The following WDFY4 variants were observed in gnomAD, a reference collection of about 807,000 sequenced individuals.
The protein encoded by WDFY4 is WDFY family member 4, also known as WD repeat- and FYVE domain-containing protein 4.
A neutral mutation model predicts 351.9 loss-of-function variants in WDFY4; 169 were observed. That is an observed-to-expected ratio of 0.48 (90% CI 0.42 to 0.55). The LOEUF (loss-of-function observed/expected upper bound fraction) is 0.55, where lower values mean the gene tolerates loss of function less well. WDFY4 is among the 20% of genes least tolerant of loss of function. WDFY4 has a pLI of 0.00. For missense variants in WDFY4, 3,803 were observed against 3,935.6 expected (o/e 0.97, Z 0.90); for synonymous variants, 1,622 against 1,574.6 (o/e 1.03, Z -0.71).
chr10:48,695,543 A>G (rs1256520892), intron 1 of WDFY4, among the ~76,000 whole-genome samples: 2 of 152,266 alleles, frequency 1.3e-5, no homozygotes, highest in African/African-American at 4.8e-5. Flanking sequence ...TACAGTGGGA[A>G]TAGTAATGCC....
At chr10:48,753,299 TTC>T (rs1403649203) in intron 12 of WDFY4, among the ~76,000 whole-genome samples, 1 of 152,230 alleles carries the variant, frequency 6.6e-6, no homozygotes, top group Non-Finnish European at 1.5e-5. Context: ...TGCAAATATT[TTC>T]TCTCATTCTG....
intron 43 of WDFY4, among the ~76,000 whole-genome samples, chr10:48,882,583 C>T (rs186162790): frequency 3.3e-5 from 5 of 152,152 alleles, no homozygotes; most frequent in East Asian, 3.9e-4. Flanking sequence ...GTACACAAAA[C>T]GTGGTGCTGA....
rs954569410 is a variant in WDFY4, at chr10:48,807,938, C to A, written c.4818C>A (p.Pro1606=). The A allele has an allele frequency of 2.6e-6, 4 of 1,547,198 alleles. No individual in the cohort carries two copies. The highest frequency in any genetic ancestry group is 2.6e-6 in the Non-Finnish European group (3 of 1,145,362). ...TGCTGCTCAGTGTAATATCTTCCCC[C>A]CAGCTTCATCTGTCCTCTGAGTAAG... ...LEMLLSVISS[P]QLHLSSESKE... Residue 1606 remains proline, a synonymous_variant, in exon 28 of 62, where the codon CCC becomes CCA. Transcript: ENST00000325239.
At chr10:48,851,740 T>C (rs1009890495) in intron 39 of WDFY4, among the ~76,000 whole-genome samples, 2 of 152,266 alleles carry the variant, frequency 1.3e-5, no homozygotes, top group Non-Finnish European at 2.9e-5. Flanking sequence ...GCTTGGTCAG[T>C]AGTGTCACCA....
intron 49 of WDFY4, among the ~76,000 whole-genome samples, chr10:48,943,949 C>T (rs1840915492): frequency 6.6e-6 from 1 of 152,146 alleles, no homozygotes; most frequent in South Asian, 2.1e-4. Flanking sequence ...GGGTTCCTGT[C>T]CTGGATCCCC....
At chr10:48,896,583 T>C (rs1194121926) in intron 44 of WDFY4, among the ~76,000 whole-genome samples, 3 of 151,660 alleles carry the variant, frequency 2.0e-5, no homozygotes, top group African/African-American at 7.3e-5. Context: ...CCTCTCAGGA[T>C]GCAGGCGCTG....
chr10:48,733,495 C>T (rs906487305), intron 9 of WDFY4, among the ~76,000 whole-genome samples: 11 of 152,178 alleles, frequency 7.2e-5, no homozygotes, highest in African/African-American at 2.7e-4. Context: ...GTCATCCCTC[C>T]CAAGGATGCA....
chr10:48,871,325 A>G (rs924269350), intron 40 of WDFY4, among the ~76,000 whole-genome samples: 1 of 152,234 alleles, frequency 6.6e-6, no homozygotes, highest in African/African-American at 2.4e-5. Context: ...TCCGTATGTT[A>G]CTACAAATGC....
chr10:48,769,163 G>T (rs1409670890), intron 13 of WDFY4, among the ~76,000 whole-genome samples: 2 of 152,200 alleles, frequency 1.3e-5, no homozygotes, highest in South Asian at 2.1e-4. Context: ...GCCTAGTTAC[G>T]TTGAGGAAGC....
At chr10:48,837,464 G>T (rs1400270622) in intron 39 of WDFY4, among the ~76,000 whole-genome samples, 1 of 152,192 alleles carries the variant, frequency 6.6e-6, no homozygotes, top group Admixed American at 6.5e-5. Flanking sequence ...CTGGTGGGGA[G>T]CCAAACTGTG....
chr10:48,913,919 G>T (rs60751127), intron 47 of WDFY4: 2 of 1,614,068 alleles, frequency 1.2e-6, no homozygotes. Flanking sequence ...TGCTGTGCAG[G>T]TCCAGCCACC....
chr10:48,736,771 G>T (rs763015098), intron 11 of WDFY4, among the ~76,000 whole-genome samples: 4 of 152,202 alleles, frequency 2.6e-5, no homozygotes, highest in Non-Finnish European at 5.9e-5. Context: ...GAACACAGAA[G>T]TAGGAGAGAC....
intron 50 of WDFY4, 115 bp downstream of exon 50, chr10:48,946,272 AG>A: frequency 3.6e-6 from 3 of 828,106 alleles, no homozygotes; most frequent in Non-Finnish European, 5.7e-6. Flanking sequence ...ATTTGAATAG[AG>A]GACTCTAACC....
chr10:48,901,669 G>A (rs552915036), intron 46 of WDFY4, 132 bp from the exon 47 acceptor site: 102 of 955,728 alleles, frequency 1.1e-4, no homozygotes, highest in East Asian at 5.3e-4. Context: ...TGGTGTTCAC[G>A]ACCTGGGGGC....
chr10:48,710,660 C>A (rs182171404), intron 2 of WDFY4, among the ~76,000 whole-genome samples: 1 of 152,192 alleles, frequency 6.6e-6, no homozygotes, highest in African/African-American at 2.4e-5. Flanking sequence ...AACCTCACAC[C>A]CCAGGGATGC....
intron 1 of WDFY4, among the ~76,000 whole-genome samples, chr10:48,696,523 C>T (rs192943976): frequency 9.8e-5 from 15 of 152,380 alleles, no homozygotes; most frequent in Admixed American, 2.6e-4. Context: ...CACATCTCTA[C>T]GGCCCTGTCC....
intron 31 of WDFY4, among the ~76,000 whole-genome samples, chr10:48,814,321 A>G (rs1453927343): frequency 6.6e-6 from 1 of 152,222 alleles, no homozygotes; most frequent in Non-Finnish European, 1.5e-5. Flanking sequence ...TTGTTTAAGC[A>G]TGGGATTTCT....
chr10:48,847,587 C>T (rs888847797), intron 39 of WDFY4, among the ~76,000 whole-genome samples: 5 of 151,914 alleles, frequency 3.3e-5, no homozygotes, highest in African/African-American at 4.8e-5. Context: ...AGAATGAGGC[C>T]GACAGAGATG....
intron 1 of WDFY4, among the ~76,000 whole-genome samples, chr10:48,687,214 C>T (rs1367283996): frequency 6.6e-6 from 1 of 152,062 alleles, no homozygotes; most frequent in Non-Finnish European, 1.5e-5. Context: ...TGTCTTTTAT[C>T]CTATTGATTT....
Sources: allele counts gnomAD v4.1 joint callset (sites outside exome capture counted in the v4.1 genomes callset), GRCh38; gene constraint gnomAD v4.1.1; transcripts MANE v1.5; gene names NCBI Gene and HGNC (gene_info 2026-07-23, HGNC 2026-07-21).